Variants in SDHB observed in about 807,000 individuals in gnomAD.
SDHB encodes succinate dehydrogenase [ubiquinone] iron-sulfur subunit, mitochondrial.
In SDHB, 21 loss-of-function variants were observed where a neutral mutation model predicts 39.7. That is an observed-to-expected ratio of 0.53 (90% CI 0.37 to 0.76). The LOEUF (loss-of-function observed/expected upper bound fraction) is 0.76. Ranked by LOEUF, SDHB falls within the 30% of genes least tolerant of loss-of-function variation. The pLI is 0.00. For synonymous variants in SDHB, 118 were observed against 117.0 expected, an observed-to-expected ratio of 1.01 and a Z score of -0.06; for missense variants, 343 against 350.9, an observed-to-expected ratio of 0.98 and a Z score of 0.18.
intron 3 of SDHB, among the ~76,000 whole-genome samples, chr1:17,029,093 G>GTTTTTTTTTTTTT (rs746243819): frequency 1.4e-5 from 1 of 72,028 alleles, no homozygotes; most frequent in Non-Finnish European, 2.4e-5. Flanking sequence ...AAATCAGCCT[G>GTTTTTTTTTTTTT]TTTTTTTTTT....
intron 2 of SDHB, among the ~76,000 whole-genome samples, chr1:17,038,210 C>T (rs560116052): frequency 1.3e-5 from 2 of 152,282 alleles, no homozygotes; most frequent in South Asian, 4.1e-4. Context: ...ACTGAGCCTG[C>T]CCAAGGTTTT....
chr1:17,022,668 C>T lies in SDHB; in HGVS notation c.705G>A (p.Gln235=), dbSNP rs1570944851. The change falls in exon 7 of 8, where the codon CAG becomes CAA. Residue 235 remains glutamine, a synonymous_variant. Transcript: ENST00000375499. ...GGCAGCGGTATAGAGAGAATGGGTCCTGCAGCTTGGCCAGGCGCTCCTCTG... is the reference window on the plus strand; with the variant it reads ...GGCAGCGGTATAGAGAGAATGGGTCTTGCAGCTTGGCCAGGCGCTCCTCTG... ...DFTEERLAKL[Q]DPFSLYRCHT... The T allele has an allele frequency of 1.9e-6, 3 of 1,613,948 alleles. No individual in the cohort carries two copies. Among genetic ancestry groups the T allele is most frequent in the Non-Finnish European group, 2.5e-6 (3 of 1,179,968 alleles).
chr1:17,050,938 A>G (rs1436932147), intron 1 of SDHB, among the ~76,000 whole-genome samples: 2 of 152,256 alleles, frequency 1.3e-5, no homozygotes, highest in Non-Finnish European at 2.9e-5. Flanking sequence ...TCTAATCTTT[A>G]TAACATCTCT....
chr1:17,031,554 C>A (rs2078022870), intron 3 of SDHB, among the ~76,000 whole-genome samples: 1 of 152,130 alleles, frequency 6.6e-6, no homozygotes, highest in South Asian at 2.1e-4. Flanking sequence ...TGTTTAACTG[C>A]CGCAGAATGT....
chr1:17,028,471 T>G, intron 4 of SDHB, 129 bp downstream of exon 4: 1 of 931,932 alleles, frequency 1.1e-6, no homozygotes, highest in Non-Finnish European at 1.7e-6. Flanking sequence ...TCCCATCTAT[T>G]TACTATCTGA....
rs536882111 is a variant in SDHB, at chr1:17,032,033, T to A, written c.286+1027A>T. ...GGCACACAGTCTGGCTCCACGGACA[T>A]CAGGCCAGTCGGTCTTCACTGCACC... On this transcript the variant is annotated intron_variant, in intron 3 of 7. Transcript: ENST00000375499. Among the ~76,000 whole-genome samples, 17 of 152,292 alleles carry A rather than the reference T, an allele frequency of 1.1e-4. No individual in the cohort carries two copies. In the East Asian group the frequency reaches 3.3e-3, roughly 29 times the overall value.
In SDHB at chr1:17,027,878, GGAA is replaced by G. The variant is rs34261028; in HGVS notation, c.424-16_424-14del. On this transcript the variant is annotated splice_polypyrimidine_tract_variant and intron_variant, in intron 4 of 7. Transcript: ENST00000375499. ...AGTTGCTCAAATCCTGTGGTTAAGAGGAAGAAGAAGAAGAAGAAGAAGAAAAGG... is the reference window on the plus strand; with the variant it reads ...AGTTGCTCAAATCCTGTGGTTAAGAGGAAGAAGAAGAAGAAGAAGAAAAGG... The G allele has an allele frequency of 2.6e-3, 3,563 of 1,348,438 alleles. No homozygotes were observed. Among genetic ancestry groups the G allele is most frequent in the Middle Eastern group, 3.3e-3 (18 of 5,414 alleles). The allele number at this position is 1,348,438 out of a possible 1,614,324, so 83.5% of individuals were successfully genotyped here.
chr1:17,038,377 T>TAC lies in SDHB; in HGVS notation c.201-5234_201-5233dup, dbSNP rs758397435. Among the ~76,000 whole-genome samples, 10 of 152,254 alleles carry TAC rather than the reference T, an allele frequency of 6.6e-5. No individual in the cohort carries two copies. The East Asian group carries it at 1.3e-3, about 21-fold the overall frequency. On this transcript the variant is annotated intron_variant, in intron 2 of 7. Coordinates refer to ENST00000375499, the MANE Select transcript of SDHB (RefSeq NM_003000.3). ...ATAGAATTATCTGTAGCCATTGAAA[T>TAC]ACACACACACACAAATAGTATTTTG...
chr1:17,018,887 T>C lies in SDHB; in HGVS notation c.837A>G (p.Ser279=), dbSNP rs770120161. 3 of 1,609,284 alleles carry C rather than the reference T, an allele frequency of 1.9e-6. No homozygotes were observed. Among genetic ancestry groups the C allele is most frequent in the East Asian group, 2.2e-5 (1 of 44,856 alleles). Residue 279 remains serine (S), a synonymous_variant, in exon 8 of 8, where the codon TCA becomes TCG. Coordinates refer to ENST00000375499, the MANE Select transcript of SDHB (RefSeq NM_003000.3). ...ATGTTTAGCATGGAAACAGTTAAAC[T>C]GAAGCTTTCTTCTCCTTATAGGTTG... ...MMATYKEKKA[S]V is the part of the protein sequence containing the mutation.
At chr1:17,049,677 T>TTG (rs1009759642) in intron 1 of SDHB, among the ~76,000 whole-genome samples, 1 of 108,908 alleles carries the variant, frequency 9.2e-6, no homozygotes, top group African/African-American at 3.1e-5. Flanking sequence ...TTTTTTTTTT[T>TTG]GTGAGACAGT....
intron 5 of SDHB, among the ~76,000 whole-genome samples, chr1:17,026,164 C>T (rs2077990001): frequency 6.6e-6 from 1 of 152,200 alleles, no homozygotes; most frequent in Non-Finnish European, 1.5e-5. Context: ...AAAGGACTCG[C>T]TGGGCCAGAG....
chr1:17,044,475 C>T lies in SDHB; in HGVS notation c.200+286G>A, dbSNP rs9787230. Among the ~76,000 whole-genome samples the T allele has an allele frequency of 0.22, 33,092 of 151,830 alleles. 4,216 individuals carry two copies. Among genetic ancestry groups the T allele is most frequent in the East Asian group, 0.54 (2,770 of 5,164 alleles). ...GAGTGGCTGGGATTACAGGCATGAG[C>T]CACTATACCCAGCTAATTTCTGTAT... On this transcript the variant is annotated intron_variant, in intron 2 of 7. Transcript: ENST00000375499.
chr1:17,028,834 G>A, intron 3 of SDHB, 98 bp from the exon 4 acceptor site: 4 of 1,391,300 alleles, frequency 2.9e-6, no homozygotes, highest in Non-Finnish European at 4.0e-6. Flanking sequence ...GCCATCAGGG[G>A]CAGCACTGAC....
Position 17,044,817 on chromosome 1 carries a change from G to A in SDHB, c.144C>T (p.Asp48=), listed in dbSNP as rs1553178737. ...GAGGTTTGTCTCCAGCCTTGTCTGG[G>A]TCCCATCGATAGATGGCAAATTTCT... ...RIKKFAIYRW[D]PDKAGDKPHM... is the part of the protein sequence containing the mutation. The change falls in exon 2 of 8, where the codon GAC becomes GAT. Residue 48 remains aspartate (D), a synonymous_variant. Transcript: ENST00000375499. 1 of 1,613,926 alleles carries A rather than the reference G, an allele frequency of 6.2e-7. No individual in the cohort carries two copies. The highest frequency in any genetic ancestry group is 1.3e-5 in the African/African-American group (1 of 74,912).
rs1416195068 is a variant in SDHB at position 17,049,721 on chromosome 1, G to A, written c.72+4227C>T. Among the ~76,000 whole-genome samples the A allele has an allele frequency of 2.3e-5, 3 of 130,656 alleles. No homozygotes were observed. In the East Asian group the frequency reaches 7.4e-4, roughly 32 times the overall value. The allele number at this position is 130,656 out of a possible 152,430, so 85.7% of individuals were successfully genotyped here. ...GTCACCCAGGCTGGAGTGGAGTGGC[G>A]AGATCTCTCTGCCTCCTGGGTTCAA... On this transcript the variant is annotated intron_variant, in intron 1 of 7. Transcript: ENST00000375499.
intron 1 of SDHB, among the ~76,000 whole-genome samples, chr1:17,051,823 C>T (rs1443282818): frequency 6.6e-6 from 1 of 151,274 alleles, no homozygotes; most frequent in Non-Finnish European, 1.5e-5. Flanking sequence ...GCCTAAGGAA[C>T]AAGATGCACA....
Position 17,044,838 on chromosome 1 carries a change from T to C in SDHB, c.123A>G (p.Lys41=), listed in dbSNP as rs137877851. The C allele has an allele frequency of 6.2e-7, 1 of 1,613,968 alleles. No homozygotes were observed. The highest frequency in any genetic ancestry group is 1.3e-5 in the African/African-American group (1 of 74,930). ...TAAATAPRIK[K]FAIYRWDPDK... ...CTGGGTCCCATCGATAGATGGCAAA[T>C]TTCTTGATACGGGGAGCTGTGGCTG... The change falls in exon 2 of 8, where the codon AAA becomes AAG. Residue 41 remains lysine (K), a synonymous_variant. Coordinates refer to ENST00000375499, the MANE Select transcript of SDHB (RefSeq NM_003000.3).
intron 3 of SDHB, among the ~76,000 whole-genome samples, chr1:17,031,684 G>A (rs958883811): frequency 3.9e-5 from 6 of 152,178 alleles, no homozygotes; most frequent in Non-Finnish European, 7.3e-5. Flanking sequence ...GAAATGTACA[G>A]CTGAACAGAT....
intron 3 of SDHB, among the ~76,000 whole-genome samples, chr1:17,031,282 A>C (rs1337158629): frequency 2.0e-5 from 3 of 152,226 alleles, no homozygotes; most frequent in Non-Finnish European, 2.9e-5. Context: ...AAGAAATGGC[A>C]TAAAAATTAA....
Sources: gnomAD v4.1 joint callset for allele counts (sites outside exome capture counted in the v4.1 genomes callset) on GRCh38, gnomAD v4.1.1 for gene constraint, MANE v1.5 for transcripts, NCBI Gene and HGNC (gene_info 2026-07-23, HGNC 2026-07-21) for gene names.